The following EFCAB14 variants were observed in gnomAD, a reference collection of about 807,000 sequenced individuals.
EFCAB14 encodes EF-hand calcium-binding domain-containing protein 14.
In EFCAB14, 43 loss-of-function variants were observed where a neutral mutation model predicts 56.5. The observed-to-expected ratio is 0.76, with a 90% confidence interval of 0.60 to 0.98. EFCAB14 has a LOEUF of 0.98. Among genes scored for constraint, EFCAB14 ranks in the 50% least tolerant of loss-of-function variants. The pLI, the probability that EFCAB14 is intolerant of heterozygous loss-of-function variation, is 0.00. For synonymous variants in EFCAB14, 235 were observed against 212.9 expected (o/e 1.10, Z -0.90); for missense variants, 538 against 580.3 (o/e 0.93, Z 0.75).
intron 2 of EFCAB14, among the ~76,000 whole-genome samples, chr1:46,716,093 C>CA (rs1426585854): frequency 6.6e-6 from 1 of 151,254 alleles, no homozygotes; most frequent in African/African-American, 2.4e-5. Context: ...ACTAAAAAGA[C>CA]AAAAAAATTA....
Position 46,688,470 on chromosome 1 carries a change from A to C in EFCAB14, c.870T>G (p.Leu290=). 1 of 1,613,902 alleles carries C rather than the reference A, an allele frequency of 6.2e-7. No homozygotes were observed. The highest frequency in any genetic ancestry group is 8.5e-7 in the Non-Finnish European group (1 of 1,179,858). The change falls in exon 7 of 11, where the codon CTT becomes CTG. Residue 290 remains leucine, a synonymous_variant. Coordinates refer to ENST00000371933, the MANE Select transcript of EFCAB14 (RefSeq NM_014774.3). The part of the protein sequence containing the change: ...ALVGYQRQND[L]KLEGMNETVS... ...CTGTCTCGTTCATTCCCTCGAGTTT[A>C]AGATCATTCTGTCTCTGGTACCCCA... is the stretch of plus-strand genomic sequence containing the variant.
intron 6 of EFCAB14, 106 bp from the exon 7 acceptor site, chr1:46,688,650 TC>T: frequency 1.1e-6 from 1 of 941,850 alleles, no homozygotes; most frequent in Non-Finnish European, 1.6e-6. Context: ...TGAAGTAAAC[TC>T]CTTTTCCTGG....
Position 46,683,444 on chromosome 1 carries a change from G to C in EFCAB14, c.1187-19C>G, listed in dbSNP as rs749149465. ...ACTTGCTCTGTAACAAATACATAAG[G>C]TTTTATTTAGTATTATTGAATCTAA... is the stretch of plus-strand genomic sequence containing the variant. On this transcript the variant is annotated intron_variant, in intron 9 of 10. Coordinates refer to ENST00000371933, the MANE Select transcript of EFCAB14 (RefSeq NM_014774.3). 4 of 1,608,222 alleles carry C rather than the reference G, an allele frequency of 2.5e-6. No homozygotes were observed. The highest frequency in any genetic ancestry group is 3.4e-6 in the Non-Finnish European group (4 of 1,177,764).
chr1:46,679,174 T>G (rs553409756), intron 10 of EFCAB14, among the ~76,000 whole-genome samples: 2 of 152,370 alleles, frequency 1.3e-5, no homozygotes, highest in South Asian at 4.1e-4. Context: ...ACTGGAGGAA[T>G]GACTTGGAAG....
rs1365939103 is a variant in EFCAB14 at position 46,676,862 on chromosome 1, T to A, written c.*1599A>T. 1 of 144,702 alleles carries A rather than the reference T, an allele frequency of 6.9e-6. No homozygotes were observed. The highest frequency in any genetic ancestry group is 1.5e-5 in the Non-Finnish European group (1 of 65,026). The allele number at this position is 144,702 out of a possible 1,614,324, so 9.0% of individuals were successfully genotyped here. On this transcript the variant is annotated 3_prime_UTR_variant, in exon 11 of 11. Transcript: ENST00000371933. ...AGTTTGGTTAATACCAAGCTGAACATCATGTAAAGAAAAAAAAAACAGCCC... is the reference window on the plus strand; with the variant it reads ...AGTTTGGTTAATACCAAGCTGAACAACATGTAAAGAAAAAAAAAACAGCCC...
intron 5 of EFCAB14, among the ~76,000 whole-genome samples, chr1:46,690,545 A>T (rs942661736): frequency 3.9e-5 from 6 of 152,228 alleles, no homozygotes; most frequent in African/African-American, 1.4e-4. Flanking sequence ...GGAGGGGGGA[A>T]TCCATGGTTC....
In EFCAB14 at chr1:46,675,615, A is replaced by G. The variant is rs1382547909; in HGVS notation, c.*2846T>C. 6.6e-6 allele frequency: 1 copy of G among 152,444 alleles called. No homozygotes were observed. The highest frequency in any genetic ancestry group is 1.5e-5 in the Non-Finnish European group (1 of 68,148). 9.4% of individuals were successfully genotyped at this position (152,444 alleles called of 1,614,324 possible). Reference sequence around the variant, plus strand: ...GTTGAAGGGGTTATGAACAGCAACCATAAAGAAAGGAATCTCCAACAGAAG... The same window carrying G: ...GTTGAAGGGGTTATGAACAGCAACCGTAAAGAAAGGAATCTCCAACAGAAG... On this transcript the variant is annotated 3_prime_UTR_variant, in exon 11 of 11. Coordinates refer to ENST00000371933, the MANE Select transcript of EFCAB14 (RefSeq NM_014774.3).
intron 4 of EFCAB14, 46 bp from the exon 5 acceptor site, chr1:46,691,983 A>T: frequency 7.1e-7 from 1 of 1,399,736 alleles, no homozygotes; most frequent in Non-Finnish European, 1.0e-6. Flanking sequence ...TTAAGAGACA[A>T]CTGACATGCA....
intron 10 of EFCAB14, 191 bp downstream of exon 10, chr1:46,683,109 G>A: frequency 1.8e-6 from 1 of 553,028 alleles, no homozygotes; most frequent in Non-Finnish European, 3.0e-6. Flanking sequence ...AGTAAAATGG[G>A]TATAATACAT....
intron 3 of EFCAB14, among the ~76,000 whole-genome samples, chr1:46,701,606 T>C (rs1440485): frequency 0.37 from 56,235 of 152,110 alleles, 11,626 homozygotes; most frequent in East Asian, 0.74. Flanking sequence ...GTGTGACTGG[T>C]TGGCAGCTGC....
chr1:46,687,026 A>C, intron 7 of EFCAB14, 156 bp from the exon 8 acceptor site: 1 of 659,984 alleles, frequency 1.5e-6, no homozygotes, highest in South Asian at 1.9e-5. Context: ...AGATGGGAGG[A>C]GAGAGGGAGA....
intron 3 of EFCAB14, among the ~76,000 whole-genome samples, chr1:46,699,316 G>C (rs562482050): frequency 2.0e-5 from 3 of 151,636 alleles, no homozygotes; most frequent in Admixed American, 2.0e-4. Flanking sequence ...GGGTGGCATC[G>C]GGGGATAGGG....
intron 3 of EFCAB14, among the ~76,000 whole-genome samples, chr1:46,702,028 T>C (rs1262890004): frequency 2.0e-5 from 3 of 152,382 alleles, no homozygotes; most frequent in Non-Finnish European, 2.9e-5. Flanking sequence ...CATTCTAGAA[T>C]GTCAGATCAG....
chr1:46,698,807 C>T (rs1677111938), intron 3 of EFCAB14, among the ~76,000 whole-genome samples: 2 of 152,154 alleles, frequency 1.3e-5, no homozygotes, highest in African/African-American at 4.8e-5. Context: ...TAAACCAGAA[C>T]AAGCACATGG....
In EFCAB14 at chr1:46,696,134, A is replaced by G. The variant is rs370285919; in HGVS notation, c.579+417T>C. Among the ~76,000 whole-genome samples the G allele has an allele frequency of 1.6e-4, 24 of 146,878 alleles. No homozygotes were observed. The East Asian group carries it at 3.4e-3, about 21-fold the overall frequency. On this transcript the variant is annotated intron_variant, in intron 4 of 10. Transcript: ENST00000371933. ...TTTTTTTTTTTTTTTAACTTTCTTA[A>G]TTATGGAAAGTAACAGAGATTTAGG...
chr1:46,705,304 A>C (rs1205029381), intron 3 of EFCAB14, among the ~76,000 whole-genome samples: 1 of 152,210 alleles, frequency 6.6e-6, no homozygotes, highest in Non-Finnish European at 1.5e-5. Flanking sequence ...CTTTGAAGGC[A>C]TATTGATGCT....
intron 4 of EFCAB14, among the ~76,000 whole-genome samples, chr1:46,692,851 G>A (rs924066978): frequency 6.6e-6 from 1 of 152,104 alleles, no homozygotes; most frequent in Admixed American, 6.6e-5. Flanking sequence ...TAATTTAAAT[G>A]ATTTTTCCTA....
intron 3 of EFCAB14, among the ~76,000 whole-genome samples, chr1:46,701,388 T>C (rs1677155506): frequency 7.9e-6 from 1 of 126,240 alleles, no homozygotes; most frequent in South Asian, 2.6e-4. Context: ...TTCCTAATAC[T>C]CTTATCAATT....
At chr1:46,712,695 A>C (rs1035176485) in intron 2 of EFCAB14, among the ~76,000 whole-genome samples, 10 of 151,658 alleles carry the variant, frequency 6.6e-5, no homozygotes, top group African/African-American at 2.4e-4. Context: ...GAAAAACAAG[A>C]AAAAAAAATT....
Sources: gnomAD v4.1 joint callset for allele counts (sites outside exome capture counted in the v4.1 genomes callset) on GRCh38, gnomAD v4.1.1 for gene constraint, MANE v1.5 for transcripts, NCBI Gene and HGNC (gene_info 2026-07-23, HGNC 2026-07-21) for gene names.